Variants in STXBP3 observed in about 807,000 individuals in gnomAD.
STXBP3 encodes syntaxin binding protein 3, also known as syntaxin-binding protein 3.
Under a neutral mutation model 85.7 loss-of-function variants are expected in STXBP3, and 41 were observed. The ratio of observed to expected loss-of-function variants is 0.48; its 90% confidence interval spans 0.37 to 0.62. The LOEUF is 0.62. Ranked by LOEUF, STXBP3 falls within the 20% of genes least tolerant of loss-of-function variation. The pLI is 0.00. For missense variants in STXBP3, 563 were observed against 703.1 expected (o/e 0.80, Z 2.25); for synonymous variants, 229 against 231.7 (o/e 0.99, Z 0.10).
At chr1:108,775,735 A>T (rs1208001233) in intron 7 of STXBP3, among the ~76,000 whole-genome samples, 1 of 152,128 alleles carries the variant, frequency 6.6e-6, no homozygotes, top group East Asian at 1.9e-4. Context: ...AAATGTCAAG[A>T]TCCATTCTTT....
chr1:108,749,296 T>A (rs1222160433), intron 1 of STXBP3, among the ~76,000 whole-genome samples: 1 of 152,204 alleles, frequency 6.6e-6, no homozygotes, highest in Non-Finnish European at 1.5e-5. Context: ...GTTTTCAGGG[T>A]GCTGTAATCT....
chr1:108,793,157 A>ATTTTTTTTTTCTT (rs1663012583), intron 11 of STXBP3, among the ~76,000 whole-genome samples: 1 of 67,508 alleles, frequency 1.5e-5, no homozygotes, highest in Non-Finnish European at 2.7e-5. Context: ...TCTTATCTCC[A>ATTTTTTTTTTCTT]TTTTTTTTTT....
At chr1:108,807,270 A>C (rs1570778719) in intron 17 of STXBP3, 131 bp from the exon 18 acceptor site, 1 of 268,886 alleles carries the variant, frequency 3.7e-6, no homozygotes. Context: ...AAAAAAAAAA[A>C]AAAAAAAAAA....
chr1:108,807,576 G>GTT (rs375887364), intron 18 of STXBP3, 27 bp downstream of exon 18: 26,407 of 1,302,592 alleles, frequency 0.02, no homozygotes, highest in South Asian at 0.026. Context: ...CTTCTTTTCT[G>GTT]TTTTTTTTTT....
chr1:108,752,756 G>T (rs1557799099), intron 2 of STXBP3, among the ~76,000 whole-genome samples: 1 of 152,144 alleles, frequency 6.6e-6, no homozygotes, highest in Non-Finnish European at 1.5e-5. Flanking sequence ...AGTGCTTTGT[G>T]CAATAATTGT....
chr1:108,803,229 G>A (rs1317861267), intron 17 of STXBP3, among the ~76,000 whole-genome samples: 2 of 152,134 alleles, frequency 1.3e-5, no homozygotes, highest in East Asian at 3.8e-4. Flanking sequence ...TAGTATCTCT[G>A]CCCTCCTCTT....
At chr1:108,760,995 CCAAGTT>C (rs1662126821) in intron 6 of STXBP3, among the ~76,000 whole-genome samples, 1 of 152,124 alleles carries the variant, frequency 6.6e-6, no homozygotes, top group Admixed American at 6.6e-5. Context: ...CCTCCATCTC[CCAAGTT>C]CAAGCGATTC....
intron 8 of STXBP3, among the ~76,000 whole-genome samples, chr1:108,777,012 TA>T (rs1331504012): frequency 2.0e-5 from 3 of 152,156 alleles, no homozygotes; most frequent in South Asian, 2.1e-4. Flanking sequence ...ATGGAAATAA[TA>T]TAATCAAAGA....
intron 11 of STXBP3, among the ~76,000 whole-genome samples, chr1:108,783,631 G>A (rs1395854472): frequency 6.6e-6 from 1 of 151,812 alleles, no homozygotes; most frequent in Non-Finnish European, 1.5e-5. Flanking sequence ...GGATTTTTTT[G>A]TACATGTAAT....
rs1349093863 is a variant in STXBP3 at position 108,752,300 on chromosome 1, A to G, written c.93A>G (p.Glu31=). ...TVFDDCKKEG[E]WKIMLLDEFT... ...TTGATGACTGCAAGAAAGAAGGCGA[A>G]TGGAAGGTAGAGTTTGCATACCTTG... is the stretch of plus-strand genomic sequence containing the variant. Residue 31 remains glutamate (E), a synonymous_variant, in exon 2 of 19, where the codon GAA becomes GAG. Coordinates refer to ENST00000370008, the MANE Select transcript of STXBP3 (RefSeq NM_007269.4). 1 of 1,611,830 alleles carries G rather than the reference A, an allele frequency of 6.2e-7. No individual in the cohort carries two copies. Among genetic ancestry groups the G allele is most frequent in the Non-Finnish European group, 8.5e-7 (1 of 1,178,760 alleles).
At position 108,772,808 on chromosome 1, in the gene STXBP3, A is replaced by C. The variant is rs569938481; in HGVS notation, c.582A>C (p.Val194=). 1 of 1,594,362 alleles carries C rather than the reference A, an allele frequency of 6.3e-7. No homozygotes were observed. Among genetic ancestry groups the C allele is most frequent in the East Asian group, 2.3e-5 (1 of 43,396 alleles). ...CCACCTTGGATGAAAATCCCGGAGT[A>C]AGATATAAAAGGTAAGACACTGAGC... is the stretch of plus-strand genomic sequence containing the variant. ...VCATLDENPG[V]RYKSKPLDNA... is the part of the protein sequence containing the mutation. The change falls in exon 7 of 19, where the codon GTA becomes GTC. Residue 194 remains valine, a synonymous_variant. Coordinates refer to ENST00000370008, the MANE Select transcript of STXBP3 (RefSeq NM_007269.4).
At chr1:108,780,396 G>T (rs1435709398) in intron 9 of STXBP3, 2 of 151,902 alleles carry the variant, frequency 1.3e-5, no homozygotes, top group African/African-American at 4.8e-5. Flanking sequence ...TACCCTGTAG[G>T]TCTCTAAACT....
rs755982864 is a variant in STXBP3 at position 108,746,705 on chromosome 1, A to G, written c.-33A>G. 11 of 1,547,720 alleles carry G rather than the reference A, an allele frequency of 7.1e-6. 1 individual carries two copies. In the Admixed American group the frequency reaches 1.6e-4, roughly 22 times the overall value. On this transcript the variant is annotated 5_prime_UTR_variant, in exon 1 of 19. Transcript: ENST00000370008. Reference sequence around the variant, plus strand: ...GCGGCCAAAGTAGGTTGGGAGTGGAAGGTGGTGGCTGCTGCTCCGCAGTGT... The same window carrying G: ...GCGGCCAAAGTAGGTTGGGAGTGGAGGGTGGTGGCTGCTGCTCCGCAGTGT...
intron 7 of STXBP3, among the ~76,000 whole-genome samples, chr1:108,775,241 A>AT (rs1662561565): frequency 6.6e-6 from 1 of 152,042 alleles, no homozygotes. Flanking sequence ...TGAGGTTGTT[A>AT]TGCTGGTGAA....
intron 17 of STXBP3, among the ~76,000 whole-genome samples, chr1:108,800,696 A>G (rs1368043100): frequency 1.3e-5 from 2 of 152,116 alleles, no homozygotes; most frequent in Non-Finnish European, 1.5e-5. Context: ...ATATCACACT[A>G]TGGTTTTATT....
chr1:108,778,576 A>T (rs966438886), intron 8 of STXBP3, among the ~76,000 whole-genome samples: 3 of 152,182 alleles, frequency 2.0e-5, no homozygotes, highest in African/African-American at 7.2e-5. Context: ...TCAACTGGAG[A>T]TAATAATGCC....
intron 3 of STXBP3, among the ~76,000 whole-genome samples, chr1:108,753,817 C>T (rs1341161305): frequency 6.6e-6 from 1 of 152,008 alleles, no homozygotes; most frequent in East Asian, 1.9e-4. Context: ...AAAATTTGAT[C>T]TTCATAATAA....
chr1:108,773,377 C>A (rs1662509765), intron 7 of STXBP3, among the ~76,000 whole-genome samples: 1 of 152,114 alleles, frequency 6.6e-6, no homozygotes, highest in South Asian at 2.1e-4. Context: ...TGTTAACTGA[C>A]AAAACCAATT....
Position 108,794,896 on chromosome 1 carries a change from A to G in STXBP3, c.1099A>G (p.Lys367Glu), listed in dbSNP as rs775663222. The change falls in exon 13 of 19, where the codon AAA becomes GAA. Residue 367 changes from lysine (K) to glutamate (E), a missense_variant. By Grantham distance (56) the Lys-to-Glu change is moderately conservative. Transcript: ENST00000370008. Reference sequence around the variant, plus strand: ...CAAGCTTAATATAGAAAAGCTCTGCAAAACTGAACAGGTATGTGCAGAGTC... The same window carrying G: ...CAAGCTTAATATAGAAAAGCTCTGCGAAACTGAACAGGTATGTGCAGAGTC... ...KFKLNIEKLC[K>E]TEQDLALGTD... 1 of 1,605,564 alleles carries G rather than the reference A, an allele frequency of 6.2e-7. No homozygotes were observed. The highest frequency in any genetic ancestry group is 2.2e-5 in the East Asian group (1 of 44,686).
Sources: allele counts gnomAD v4.1 joint callset (sites outside exome capture counted in the v4.1 genomes callset), GRCh38; gene constraint gnomAD v4.1.1; transcripts MANE v1.5; gene names NCBI Gene and HGNC (gene_info 2026-07-23, HGNC 2026-07-21).